KLHL1: variants seen among roughly 807,000 people sequenced by gnomAD.
The protein encoded by KLHL1 is kelch like family member 1.
Under a neutral mutation model 77.7 loss-of-function variants are expected in KLHL1, and 47 were observed. The observed-to-expected ratio is 0.60, with a 90% CI of 0.48 to 0.77. The LOEUF (loss-of-function observed/expected upper bound fraction) is 0.77, where lower values mean the gene tolerates loss of function less well. Ranked by LOEUF, KLHL1 falls within the 30% of genes least tolerant of loss-of-function variation. The probability of loss-of-function intolerance (pLI) is 0.00; values close to 1 mark genes in which losing one functional copy is unlikely to be tolerated. For synonymous variants in KLHL1, 360 were observed against 325.2 expected (o/e 1.11, Z -1.15); for missense variants, 925 against 910.8 (o/e 1.02, Z -0.20).
intron 8 of KLHL1, among the ~76,000 whole-genome samples, chr13:69,724,053 G>A (rs997028776): frequency 4.6e-5 from 7 of 151,886 alleles, no homozygotes; most frequent in African/African-American, 1.7e-4. Flanking sequence ...GGCCAGGATG[G>A]TCCGAACTCC....
intron 4 of KLHL1, among the ~76,000 whole-genome samples, chr13:69,924,385 C>T (rs1882745001): frequency 6.6e-6 from 1 of 152,126 alleles, no homozygotes; most frequent in Non-Finnish European, 1.5e-5. Flanking sequence ...CCCTCTGAAG[C>T]CCATAAAACC....
chr13:69,989,895 T>G (rs11840763), intron 1 of KLHL1, among the ~76,000 whole-genome samples: 6 of 151,952 alleles, frequency 3.9e-5, no homozygotes, highest in Middle Eastern at 6.8e-3. Context: ...TATAGAATCA[T>G]GTAACTTGTA....
At chr13:69,969,760 T>C (rs1028506685) in intron 2 of KLHL1, among the ~76,000 whole-genome samples, 3 of 152,114 alleles carry the variant, frequency 2.0e-5, no homozygotes, top group African/African-American at 4.8e-5. Context: ...ATGGATTAAA[T>C]TTTAGAAGAG....
In KLHL1 at chr13:69,901,787, C is replaced by CTTTTTTT. The variant is rs1237100844; in HGVS notation, c.1015-19299_1015-19293dup. On this transcript the variant is annotated intron_variant, in intron 4 of 10. Transcript: ENST00000377844. Reference sequence around the variant, plus strand: ...TGAGTTTTTCATTTTCTTTCTTTTTCTTTTTTTCTTTTTTTTTTTTTTTTT... The same window carrying CTTTTTTT: ...TGAGTTTTTCATTTTCTTTCTTTTTCTTTTTTTTTTTTTTCTTTTTTTTTTTTTTTTT... 1.1e-4 allele frequency among the ~76,000 whole-genome samples: 9 copies of CTTTTTTT among 80,140 alleles called. 2 individuals carry two copies. Among genetic ancestry groups the CTTTTTTT allele is most frequent in the African/African-American group, 7.9e-5 (2 of 25,476 alleles). The allele number at this position is 80,140 out of a possible 152,430, so 52.6% of individuals were successfully genotyped here.
rs564786007 is a variant in KLHL1 at position 70,028,315 on chromosome 13, A to G, written c.498-52513T>C. 1.1e-4 allele frequency among the ~76,000 whole-genome samples: 16 copies of G among 152,326 alleles called. No individual in the cohort carries two copies. In the East Asian group the frequency reaches 1.5e-3, roughly 15 times the overall value. On this transcript the variant is annotated intron_variant, in intron 1 of 10. Coordinates refer to ENST00000377844, the MANE Select transcript of KLHL1 (RefSeq NM_020866.3). ...GGAGATTACTTTGCGGCCCATGGAC[A>G]GCCAAAAATATGAAAGCACTTATAA...
intron 9 of KLHL1, among the ~76,000 whole-genome samples, chr13:69,718,391 C>G (rs2137891666): frequency 6.9e-6 from 1 of 144,074 alleles, no homozygotes; most frequent in Non-Finnish European, 1.5e-5. Context: ...ACATAGAGAC[C>G]AGCAATGATC....
rs74741795 is a variant in KLHL1, at chr13:70,002,428, T to A, written c.498-26626A>T. On this transcript the variant is annotated intron_variant, in intron 1 of 10. Transcript: ENST00000377844. Reference sequence around the variant, plus strand: ...AAAAAATAGGAAGGGAGAAAAAAAATTTTTTTAAATGAACGGAGCCTCAAA... The same window carrying A: ...AAAAAATAGGAAGGGAGAAAAAAAAATTTTTTAAATGAACGGAGCCTCAAA... 3.8e-3 allele frequency among the ~76,000 whole-genome samples: 568 copies of A among 151,342 alleles called. 4 individuals carry two copies. The highest frequency in any genetic ancestry group is 0.013 in the African/African-American group (530 of 41,420).
chr13:69,782,845 G>A (rs1014889057), intron 7 of KLHL1, among the ~76,000 whole-genome samples: 2 of 152,212 alleles, frequency 1.3e-5, no homozygotes, highest in Admixed American at 6.5e-5. Flanking sequence ...GGTGATCTGA[G>A]AATGAGCAGA....
chr13:69,992,810 CA>C (rs1885058354), intron 1 of KLHL1, among the ~76,000 whole-genome samples: 1 of 151,456 alleles, frequency 6.6e-6, no homozygotes, highest in Non-Finnish European at 1.5e-5. Context: ...AGACAACTCA[CA>C]AAATAAGATA....
intron 1 of KLHL1, among the ~76,000 whole-genome samples, chr13:70,065,146 C>CT (rs1344478849): frequency 1.3e-5 from 2 of 152,100 alleles, no homozygotes; most frequent in Non-Finnish European, 2.9e-5. Flanking sequence ...GAATATTGGC[C>CT]TAACCACAGT....
At chr13:69,958,526 A>C (rs17085826) in intron 3 of KLHL1, among the ~76,000 whole-genome samples, 2,007 of 151,794 alleles carry the variant, frequency 0.013, 54 homozygotes, top group African/African-American at 0.045. Context: ...TTTGTCCTTA[A>C]TTTCTAACTT....
intron 5 of KLHL1, among the ~76,000 whole-genome samples, chr13:69,874,162 A>G (rs1880682082): frequency 6.6e-6 from 1 of 152,028 alleles, no homozygotes; most frequent in Admixed American, 6.6e-5. Flanking sequence ...TTATCTCTAG[A>G]CTATGCACCT....
chr13:69,776,541 T>C (rs961165796), intron 7 of KLHL1, among the ~76,000 whole-genome samples: 3 of 152,238 alleles, frequency 2.0e-5, no homozygotes, highest in Non-Finnish European at 4.4e-5. Flanking sequence ...TATTTTTGTT[T>C]GATTGCTTTA....
intron 1 of KLHL1, among the ~76,000 whole-genome samples, chr13:69,983,576 C>CAAAAAAAAAA (rs1282357751): frequency 6.4e-4 from 26 of 40,774 alleles, no homozygotes; most frequent in African/African-American, 2.8e-3. Flanking sequence ...CCTATCTTTA[C>CAAAAAAAAAA]AAAAAAAAAA....
chr13:69,805,343 T>C (rs1169033595), intron 6 of KLHL1, among the ~76,000 whole-genome samples: 1 of 152,004 alleles, frequency 6.6e-6, no homozygotes, highest in Non-Finnish European at 1.5e-5. Flanking sequence ...TTTTGCTTGC[T>C]ATTAAACTAA....
chr13:69,927,670 A>G lies in KLHL1; in HGVS notation c.1014+12370T>C, dbSNP rs188474672. Among the ~76,000 whole-genome samples the G allele has an allele frequency of 9.2e-5, 14 of 152,370 alleles. No individual in the cohort carries two copies. In the East Asian group the frequency reaches 2.7e-3, roughly 29 times the overall value. ...ACAAAAATTTGCTCAGTTTCATTAG[A>G]CATAGGAAAATCACAAACAAAAACC... On this transcript the variant is annotated intron_variant, in intron 4 of 10. Transcript: ENST00000377844.
At chr13:69,920,207 C>T (rs1882587638) in intron 4 of KLHL1, among the ~76,000 whole-genome samples, 1 of 151,950 alleles carries the variant, frequency 6.6e-6, no homozygotes, top group African/African-American at 2.4e-5. Flanking sequence ...CAGCTTATCA[C>T]CTTTCCTAGA....
At chr13:70,040,791 T>C (rs1886360340) in intron 1 of KLHL1, among the ~76,000 whole-genome samples, 1 of 152,176 alleles carries the variant, frequency 6.6e-6, no homozygotes, top group Non-Finnish European at 1.5e-5. Flanking sequence ...TGGGGGAATT[T>C]TCAGTCATTA....
chr13:70,059,117 G>A (rs1886814784), intron 1 of KLHL1, among the ~76,000 whole-genome samples: 2 of 150,748 alleles, frequency 1.3e-5, no homozygotes, highest in Admixed American at 1.3e-4. Flanking sequence ...GAAAACATTC[G>A]GGGAAATCTC....
Sources: allele counts gnomAD v4.1 joint callset (sites outside exome capture counted in the v4.1 genomes callset), GRCh38; gene constraint gnomAD v4.1.1; transcripts MANE v1.5; gene names NCBI Gene and HGNC (gene_info 2026-07-23, HGNC 2026-07-21).